Variants in PTPRE observed in about 807,000 individuals in gnomAD.
The protein encoded by PTPRE is receptor-type tyrosine-protein phosphatase epsilon.
A neutral mutation model predicts 102.0 loss-of-function variants in PTPRE; 51 were observed. The ratio of observed to expected loss-of-function variants is 0.50; its 90% CI spans 0.40 to 0.63. PTPRE has a LOEUF of 0.63. Ranked by LOEUF, PTPRE falls within the 30% of genes least tolerant of loss-of-function variation. PTPRE has a pLI of 0.00. For missense variants in PTPRE, 752 were observed against 915.1 expected, an observed-to-expected ratio of 0.82 and a Z score of 2.30; for synonymous variants, 345 against 348.2, an observed-to-expected ratio of 0.99 and a Z score of 0.10.
chr10:127,977,754 C>A (rs772839195), intron 1 of PTPRE, among the ~76,000 whole-genome samples: 15 of 152,250 alleles, frequency 9.9e-5, no homozygotes, highest in Non-Finnish European at 1.9e-4. Context: ...AGCAGCCTGG[C>A]CACTTCCTGT....
intron 2 of PTPRE, among the ~76,000 whole-genome samples, chr10:127,989,817 C>T (rs114159897): frequency 0.012 from 1,838 of 152,276 alleles, 40 homozygotes; most frequent in African/African-American, 0.042. Flanking sequence ...TGATCTTGGC[C>T]AGAGTTCCCA....
chr10:128,069,604 G>C (rs2136017302), intron 12 of PTPRE, 88 bp from the exon 13 acceptor site: 1 of 1,536,620 alleles, frequency 6.5e-7, no homozygotes, highest in East Asian at 2.3e-5. Context: ...TGCATCCAGT[G>C]ACCTGGGTGC....
intron 2 of PTPRE, among the ~76,000 whole-genome samples, chr10:128,015,456 T>C (rs1350856309): frequency 1.3e-5 from 2 of 151,956 alleles, no homozygotes. Flanking sequence ...AAGCTCCGCC[T>C]CCTGGGTTCA....
chr10:128,068,167 G>T lies in PTPRE; in HGVS notation c.888G>T (p.Leu296=). 1 of 1,614,112 alleles carries T rather than the reference G, an allele frequency of 6.2e-7. No individual in the cohort carries two copies. The highest frequency in any genetic ancestry group is 2.2e-5 in the East Asian group (1 of 44,864). The change falls in exon 12 of 21, where the codon CTG becomes CTT. Residue 296 remains leucine (L), a synonymous_variant. Coordinates refer to ENST00000254667, the MANE Select transcript of PTPRE (RefSeq NM_006504.6). ...AAGCCCCCAGGCTGGTCTCACAGCTGCACTTCACCAGCTGGCCCGACTTCG... is the reference window on the plus strand; with the variant it reads ...AAGCCCCCAGGCTGGTCTCACAGCTTCACTTCACCAGCTGGCCCGACTTCG... ...GCKAPRLVSQ[L]HFTSWPDFGV...
At chr10:127,994,563 G>A (rs552183218) in intron 2 of PTPRE, among the ~76,000 whole-genome samples, 11 of 152,250 alleles carry the variant, frequency 7.2e-5, no homozygotes, top group South Asian at 6.2e-4. Context: ...TAGTCTTTAC[G>A]TGACTTTGTA....
intron 2 of PTPRE, among the ~76,000 whole-genome samples, chr10:127,995,065 G>A (rs1340362515): frequency 2.0e-5 from 3 of 152,148 alleles, no homozygotes; most frequent in Non-Finnish European, 4.4e-5. Flanking sequence ...ACCAAAAAAA[G>A]TAAATCTGAC....
At chr10:128,064,534 C>A (rs1849892015) in intron 10 of PTPRE, among the ~76,000 whole-genome samples, 1 of 152,218 alleles carries the variant, frequency 6.6e-6, no homozygotes, top group South Asian at 2.1e-4. Flanking sequence ...GCCTCAGGGT[C>A]CCCCGTGACC....
chr10:127,983,379 G>A (rs1851800409), intron 2 of PTPRE, among the ~76,000 whole-genome samples: 1 of 152,184 alleles, frequency 6.6e-6, no homozygotes. Context: ...ATAAGACGTT[G>A]TTGATTCTGA....
intron 1 of PTPRE, among the ~76,000 whole-genome samples, chr10:127,909,334 A>G (rs1158931127): frequency 6.6e-6 from 1 of 152,190 alleles, no homozygotes; most frequent in East Asian, 1.9e-4. Context: ...TGGTAGATGC[A>G]TCAGTTTCAA....
intron 19 of PTPRE, 125 bp from the exon 20 acceptor site, chr10:128,079,435 C>A: frequency 1.5e-6 from 2 of 1,308,458 alleles, no homozygotes; most frequent in Non-Finnish European, 1.0e-6. Context: ...AAAATTCAGT[C>A]AAACTCAGAT....
chr10:127,907,500 C>T lies in PTPRE; in HGVS notation c.-31+191C>T. ...TACCAGCGGCTGGGGCCCGTACGACCCCCGACCCCGGCCTGTGGCGCGTCC... is the reference window on the plus strand; with the variant it reads ...TACCAGCGGCTGGGGCCCGTACGACTCCCGACCCCGGCCTGTGGCGCGTCC... On this transcript the variant is annotated intron_variant, in intron 1 of 20. Transcript: ENST00000254667. The surrounding 1 kb of genome is among the most constrained non-coding windows in gnomAD (Gnocchi z 4.8). Among the ~76,000 whole-genome samples the T allele has an allele frequency of 6.6e-6, 1 of 151,356 alleles. No homozygotes were observed. The highest frequency in any genetic ancestry group is 6.6e-5 in the Admixed American group (1 of 15,252).
intron 10 of PTPRE, among the ~76,000 whole-genome samples, chr10:128,064,717 C>A (rs982485462): frequency 1.3e-5 from 2 of 152,250 alleles, no homozygotes; most frequent in Non-Finnish European, 1.5e-5. Context: ...TTTTTCCACT[C>A]CTGTGACTCA....
At chr10:127,996,387 C>T (rs1853268756) in intron 2 of PTPRE, among the ~76,000 whole-genome samples, 1 of 152,212 alleles carries the variant, frequency 6.6e-6, no homozygotes, top group South Asian at 2.1e-4. Flanking sequence ...TTGCGTGTTG[C>T]ACACCAGCAA....
chr10:127,963,944 C>T (rs1485739730), intron 1 of PTPRE, among the ~76,000 whole-genome samples: 3 of 152,152 alleles, frequency 2.0e-5, no homozygotes, highest in Non-Finnish European at 4.4e-5. Flanking sequence ...ATGGTTTCTC[C>T]TTCATGGAGA....
At chr10:128,079,727 A>T in intron 20 of PTPRE, 32 bp downstream of exon 20, 1 of 1,591,082 alleles carries the variant, frequency 6.3e-7, no homozygotes, top group Non-Finnish European at 8.6e-7. Flanking sequence ...TTACCAGAAG[A>T]GTGGAGAATT....
chr10:127,994,349 T>C (rs1455624182), intron 2 of PTPRE, among the ~76,000 whole-genome samples: 3 of 152,202 alleles, frequency 2.0e-5, no homozygotes, highest in Non-Finnish European at 4.4e-5. Context: ...CCTATCCAAC[T>C]TCCAGCCCCA....
At position 127,907,325 on chromosome 10, in the gene PTPRE, G is replaced by T; in HGVS notation, c.-31+16G>T. The T allele has an allele frequency of 1.0e-6, 1 of 984,492 alleles. No individual in the cohort carries two copies. Among genetic ancestry groups the T allele is most frequent in the Non-Finnish European group, 1.2e-6 (1 of 829,618 alleles). The allele number at this position is 984,492 out of a possible 1,614,324, so 61.0% of individuals were successfully genotyped here. A position where few individuals can be genotyped will look rare whatever the true frequency, so the allele number is the denominator to read the frequency against. The stretch of plus-strand genomic sequence containing the variant: ...CCCCCCCGAGGTGAGCGCGCGTGCG[G>T]ACAGGGACCCTGCGCCCCTGTGGGG... On this transcript the variant is annotated intron_variant, in intron 1 of 20. Coordinates refer to ENST00000254667, the MANE Select transcript of PTPRE (RefSeq NM_006504.6). This position sits in a 1 kb window ranked among gnomAD's most constrained non-coding sequence, Gnocchi z 4.8.
At position 128,028,344 on chromosome 10, in the gene PTPRE, G is replaced by A. The variant is rs1846438129; in HGVS notation, c.-7-12531G>A. ...GCAGAAGGGACTCGGGTCACACACA[G>A]CCACACTCGGGGATTAGGACCTGAA... On this transcript the variant is annotated intron_variant, in intron 2 of 20. Transcript: ENST00000254667. This position sits in a 1 kb window ranked among gnomAD's most constrained non-coding sequence, Gnocchi z 4.5. 6.6e-6 allele frequency among the ~76,000 whole-genome samples: 1 copy of A among 152,122 alleles called. No homozygotes were observed. Among genetic ancestry groups the A allele is most frequent in the African/African-American group, 2.4e-5 (1 of 41,428 alleles).
intron 1 of PTPRE, chr10:127,935,931 A>T (rs1011390066): frequency 2.0e-5 from 3 of 152,278 alleles, no homozygotes; most frequent in African/African-American, 7.2e-5. Flanking sequence ...TGGGTCTGCC[A>T]TCGAGGCCTT....
Sources: allele counts gnomAD v4.1 joint callset (sites outside exome capture counted in the v4.1 genomes callset), GRCh38; gene constraint gnomAD v4.1.1; non-coding constraint Gnocchi (gnomAD v3.1); transcripts MANE v1.5; gene names NCBI Gene and HGNC (gene_info 2026-07-23, HGNC 2026-07-21).